The following ERBB4 variants were observed in gnomAD, a reference collection of about 807,000 sequenced individuals.
ERBB4 encodes the protein receptor tyrosine-protein kinase erbB-4.
ERBB4 carries 42 observed loss-of-function variants against 158.0 expected under a neutral mutation model. That is an observed-to-expected ratio of 0.27 (90% CI 0.21 to 0.34). The LOEUF is 0.34. ERBB4 is among the 10% of genes least tolerant of loss of function. The pLI is 1.00. For synonymous variants in ERBB4, 583 were observed against 558.7 expected, an observed-to-expected ratio of 1.04 and a Z score of -0.61; for missense variants, 1,333 against 1,624.1, an observed-to-expected ratio of 0.82 and a Z score of 3.08.
At chr2:211,513,377 C>CAAA (rs1167274491) in intron 20 of ERBB4, among the ~76,000 whole-genome samples, 1 of 55,746 alleles carries the variant, frequency 1.8e-5, no homozygotes, top group African/African-American at 5.0e-5. Context: ...AAAAAAAAAA[C>CAAA]AAAAAAAAAA....
At chr2:212,187,694 G>C (rs116349936) in intron 1 of ERBB4, among the ~76,000 whole-genome samples, 17 of 152,178 alleles carry the variant, frequency 1.1e-4, no homozygotes, top group African/African-American at 3.9e-4. Context: ...AAGGAAAAGA[G>C]ACATTTAAGT....
At chr2:211,623,550 C>T (rs2069717779) in intron 18 of ERBB4, among the ~76,000 whole-genome samples, 1 of 152,082 alleles carries the variant, frequency 6.6e-6, no homozygotes, top group Non-Finnish European at 1.5e-5. Flanking sequence ...TGGTATATTG[C>T]CCAGGCATGT....
At chr2:211,490,458 C>T (rs2065311922) in intron 20 of ERBB4, among the ~76,000 whole-genome samples, 1 of 151,992 alleles carries the variant, frequency 6.6e-6, no homozygotes, top group Admixed American at 6.6e-5. Context: ...ACGTATTTCA[C>T]TAGTGGTAAT....
intron 1 of ERBB4, among the ~76,000 whole-genome samples, chr2:212,450,216 C>T (rs1243323854): frequency 2.6e-5 from 4 of 152,086 alleles, no homozygotes; most frequent in African/African-American, 9.7e-5. Context: ...TATCAATGTC[C>T]TTGTGATAGG....
At chr2:212,464,158 C>T (rs1251539351) in intron 1 of ERBB4, among the ~76,000 whole-genome samples, 1 of 152,024 alleles carries the variant, frequency 6.6e-6, no homozygotes, top group African/African-American at 2.4e-5. Context: ...ATCATCTTAG[C>T]TGGGAATGAT....
At chr2:212,433,931 C>G (rs1350324992) in intron 1 of ERBB4, among the ~76,000 whole-genome samples, 4 of 151,870 alleles carry the variant, frequency 2.6e-5, no homozygotes, top group Non-Finnish European at 4.4e-5. Context: ...GAGGGATGCT[C>G]AAGGAGATAC....
rs190525799 is a variant in ERBB4 at position 212,016,378 on chromosome 2, G to A, written c.235-68762C>T. ...AATTATGAGAAACAGAAAACAATTC[G>A]AGATAATCACTGTTAATTACAGAGA... On this transcript the variant is annotated intron_variant, in intron 2 of 27. Transcript: ENST00000342788. Among the ~76,000 whole-genome samples, 3 of 152,078 alleles carry A rather than the reference G, an allele frequency of 2.0e-5. No individual in the cohort carries two copies. In the South Asian group the frequency reaches 6.2e-4, roughly 32 times the overall value.
intron 2 of ERBB4, among the ~76,000 whole-genome samples, chr2:212,037,941 C>T (rs534735318): frequency 3.3e-4 from 50 of 152,160 alleles, no homozygotes; most frequent in African/African-American, 1.1e-3. Context: ...CTTAGAATCT[C>T]AGGGATTTTG....
At chr2:211,404,218 T>A (rs2063102829) in intron 25 of ERBB4, among the ~76,000 whole-genome samples, 1 of 152,050 alleles carries the variant, frequency 6.6e-6, no homozygotes, top group South Asian at 2.1e-4. Context: ...TCCCTCTCCC[T>A]TGCTGCCGGT....
At chr2:211,509,949 C>T (rs933447975) in intron 20 of ERBB4, among the ~76,000 whole-genome samples, 8 of 152,028 alleles carry the variant, frequency 5.3e-5, no homozygotes, top group Admixed American at 2.0e-4. Flanking sequence ...ACAACAGATG[C>T]TATTGAGGCT....
At chr2:211,535,095 T>A (rs532419737) in intron 20 of ERBB4, among the ~76,000 whole-genome samples, 1 of 152,226 alleles carries the variant, frequency 6.6e-6, no homozygotes, top group African/African-American at 2.4e-5. Context: ...TACAGTCACC[T>A]TTGTTTCCAA....
intron 1 of ERBB4, among the ~76,000 whole-genome samples, chr2:212,369,999 T>G (rs1027705391): frequency 6.6e-6 from 1 of 152,112 alleles, no homozygotes; most frequent in African/African-American, 2.4e-5. Context: ...AAGGGAGATA[T>G]AGAGAGAAAT....
intron 3 of ERBB4, among the ~76,000 whole-genome samples, chr2:211,840,357 T>G (rs1006296560): frequency 7.9e-5 from 12 of 152,074 alleles, no homozygotes; most frequent in Admixed American, 4.6e-4. Flanking sequence ...ATTAAACCTC[T>G]TTCCTTTATA....
intron 2 of ERBB4, among the ~76,000 whole-genome samples, chr2:212,119,072 A>C (rs2079660643): frequency 6.6e-6 from 1 of 152,050 alleles, no homozygotes; most frequent in African/African-American, 2.4e-5. Flanking sequence ...CAGCATAAGG[A>C]GTTCCAATGA....
intron 1 of ERBB4, among the ~76,000 whole-genome samples, chr2:212,459,566 A>C (rs1183819732): frequency 6.6e-6 from 1 of 152,170 alleles, no homozygotes. Context: ...TCAAAATACC[A>C]ATGACATTCT....
intron 1 of ERBB4, among the ~76,000 whole-genome samples, chr2:212,315,382 T>C (rs1329492492): frequency 2.0e-5 from 3 of 151,372 alleles, no homozygotes; most frequent in Non-Finnish European, 4.4e-5. Flanking sequence ...CTAAATAAGA[T>C]ACACATAGAC....
At chr2:211,636,557 GCCAGGACGGTC>G (rs974581624) in intron 16 of ERBB4, among the ~76,000 whole-genome samples, 8 of 151,738 alleles carry the variant, frequency 5.3e-5, no homozygotes, top group African/African-American at 1.9e-4. Flanking sequence ...TCCCATTTTG[GCCAGGACGGTC>G]TTAGTTTATG....
Position 211,459,324 on chromosome 2 carries a change from G to A in ERBB4, c.2488-28224C>T, listed in dbSNP as rs930514241. 5.3e-5 allele frequency among the ~76,000 whole-genome samples: 8 copies of A among 152,248 alleles called. No individual in the cohort carries two copies. The South Asian group carries it at 6.2e-4, about 12-fold the overall frequency. On this transcript the variant is annotated intron_variant, in intron 20 of 27. Transcript: ENST00000342788. ...ATGGGGACACTTTCTCTATTTGAAC[G>A]CCTCATGTTTCTTTCATATTTTTTC...
chr2:211,592,831 C>A (rs2068515934), intron 19 of ERBB4, among the ~76,000 whole-genome samples: 1 of 151,932 alleles, frequency 6.6e-6, no homozygotes, highest in Non-Finnish European at 1.5e-5. Context: ...CCAACATAGT[C>A]AAACCCTGTC....
Sources: gnomAD v4.1 joint callset for allele counts (sites outside exome capture counted in the v4.1 genomes callset) on GRCh38, gnomAD v4.1.1 for gene constraint, MANE v1.5 for transcripts, NCBI Gene and HGNC (gene_info 2026-07-23, HGNC 2026-07-21) for gene names.